The following ATRX variants were observed in gnomAD, a reference collection of about 807,000 sequenced individuals.
The protein encoded by ATRX is ATRX chromatin remodeler.
In ATRX, 12 loss-of-function variants were observed where a neutral mutation model predicts 172.6. The ratio of observed to expected loss-of-function variants is 0.07; its 90% CI spans 0.04 to 0.11. The LOEUF is 0.11. ATRX is among the 10% of genes least tolerant of loss of function. The pLI, the probability that ATRX is intolerant of heterozygous loss-of-function variation, is 1.00. For synonymous variants in ATRX, 674 were observed against 594.7 expected (o/e 1.13, Z -1.94); for missense variants, 1,368 against 1,767.4 (o/e 0.77, Z 4.05).
intron 2 of ATRX, among the ~76,000 whole-genome samples, chrX:77,707,406 G>C (rs994883237): frequency 7.1e-5 from 8 of 112,313 alleles, no homozygotes; most frequent in Non-Finnish European, 1.5e-4. Flanking sequence ...AATATATAAA[G>C]AATTCTTACA....
intron 2 of ATRX, among the ~76,000 whole-genome samples, chrX:77,701,017 G>T (rs180896565): frequency 2.7e-5 from 3 of 111,945 alleles, no homozygotes; most frequent in Non-Finnish European, 5.6e-5. Context: ...CACCAAGAGT[G>T]AACCTTAACA....
At chrX:77,616,582 G>C (rs782154361) in intron 22 of ATRX, 31 bp downstream of exon 22, 2 of 1,151,142 alleles carry the variant, frequency 1.7e-6, no homozygotes, top group Non-Finnish European at 2.4e-6. Flanking sequence ...TCTTTATAGA[G>C]AAGATGAAAT....
intron 27 of ATRX, among the ~76,000 whole-genome samples, chrX:77,577,255 A>C (rs1269244737): frequency 9.0e-6 from 1 of 111,392 alleles, no homozygotes; most frequent in Non-Finnish European, 1.9e-5. Flanking sequence ...AAGAGTTCCA[A>C]TGTCTCCATA....
At position 77,726,912 on chromosome X, in the gene ATRX, A is replaced by T. The variant is rs189418581; in HGVS notation, c.21-9669T>A. ...CCGATGAGGAATTGGAAAATTTTTT[A>T]AAAAAATAGTGTTTTTTTATCCATC... On this transcript the variant is annotated intron_variant, in intron 1 of 34. Transcript: ENST00000373344. 6.8e-3 allele frequency among the ~76,000 whole-genome samples: 754 copies of T among 111,038 alleles called. 2 individuals carry two copies. Among genetic ancestry groups the T allele is most frequent in the Middle Eastern group, 9.3e-3 (2 of 216 alleles).
chrX:77,729,767 T>A (rs1251708919), intron 1 of ATRX, among the ~76,000 whole-genome samples: 1 of 110,523 alleles, frequency 9.0e-6, no homozygotes, highest in African/African-American at 3.3e-5. Context: ...AAATCCCATC[T>A]CTACTAAAAA....
chrX:77,693,337 A>C (rs1351155013), intron 6 of ATRX, among the ~76,000 whole-genome samples: 1 of 112,102 alleles, frequency 8.9e-6, no homozygotes, highest in African/African-American at 3.2e-5. Context: ...AGTGTACACA[A>C]GAACAAACTG....
At chrX:77,600,598 A>G in intron 22 of ATRX, 34 bp from the exon 23 acceptor site, 1 of 1,199,313 alleles carries the variant, frequency 8.3e-7, no homozygotes. Context: ...AGACACAAAA[A>G]TTGTCTATAT....
intron 12 of ATRX, among the ~76,000 whole-genome samples, chrX:77,657,259 G>C (rs1227309309): frequency 1.8e-5 from 2 of 111,596 alleles, no homozygotes; most frequent in African/African-American, 6.5e-5. Context: ...AGACTGTGAA[G>C]AAAAATCCCT....
chrX:77,552,062 C>T (rs1254483951), intron 30 of ATRX, among the ~76,000 whole-genome samples: 4 of 111,345 alleles, frequency 3.6e-5, no homozygotes, highest in Admixed American at 1.9e-4. Context: ...GACAGTGTGG[C>T]GATTCCTCAA....
intron 1 of ATRX, among the ~76,000 whole-genome samples, chrX:77,757,734 C>T (rs1334515728): frequency 1.9e-5 from 2 of 107,043 alleles, no homozygotes; most frequent in Non-Finnish European, 3.9e-5. Context: ...TGCAGTGGCA[C>T]GATCTCAGCT....
intron 2 of ATRX, 32 bp from the exon 3 acceptor site, chrX:77,698,661 T>C (rs782158153): frequency 9.0e-7 from 1 of 1,109,252 alleles, no homozygotes; most frequent in Non-Finnish European, 1.2e-6. Context: ...ACATTATTTA[T>C]CTCTTCGATG....
intron 1 of ATRX, among the ~76,000 whole-genome samples, chrX:77,731,090 A>G: frequency 9.1e-6 from 1 of 109,909 alleles, no homozygotes. Context: ...CAGAGTAAAA[A>G]AAAAAAAAGA....
chrX:77,548,435 G>A (rs1397759465), intron 30 of ATRX, among the ~76,000 whole-genome samples: 1 of 111,236 alleles, frequency 9.0e-6, no homozygotes, highest in Non-Finnish European at 1.9e-5. Flanking sequence ...AGAAGTAGGA[G>A]ACAATGACAT....
intron 10 of ATRX, among the ~76,000 whole-genome samples, chrX:77,667,295 A>ATATGTGTGTGTG (rs1269009251): frequency 1.1e-5 from 1 of 89,056 alleles, no homozygotes; most frequent in Admixed American, 1.3e-4. Flanking sequence ...ACGAATAAAT[A>ATATGTGTGTGTG]TGTGTGTGTG....
At chrX:77,768,698 A>G (rs1486838584) in intron 1 of ATRX, among the ~76,000 whole-genome samples, 1 of 111,696 alleles carries the variant, frequency 9.0e-6, no homozygotes, top group Non-Finnish European at 1.9e-5. Flanking sequence ...TATAAACTAA[A>G]TGCATCTATG....
intron 30 of ATRX, among the ~76,000 whole-genome samples, chrX:77,534,004 A>G (rs1340632148): frequency 8.9e-6 from 1 of 111,976 alleles, no homozygotes; most frequent in African/African-American, 3.2e-5. Context: ...AAATCTGCGA[A>G]CAAGGGTTAA....
chrX:77,727,794 GT>G (rs1209817738), intron 1 of ATRX: 3 of 111,369 alleles, frequency 2.7e-5, no homozygotes, highest in African/African-American at 9.8e-5. Flanking sequence ...AAACTTGCAC[GT>G]TCTGCTCACA....
intron 22 of ATRX, among the ~76,000 whole-genome samples, chrX:77,604,214 G>A (rs1463244204): frequency 2.7e-5 from 3 of 112,258 alleles, no homozygotes; most frequent in Non-Finnish European, 5.6e-5. Flanking sequence ...CAAACAATCT[G>A]CAGAATGGGA....
In ATRX at chrX:77,681,540, G is replaced by A. The variant is rs2148566224; in HGVS notation, c.3716C>T (p.Thr1239Ile). ...CATACCTGAAGATTGGCAAAATCCA[G>A]TATGTGAAGACAGCACTAAATTTTC... is the stretch of plus-strand genomic sequence containing the variant. ...VTENLVLSSHTGFCQSSGDEA... is the reference protein window; with the variant it reads ...VTENLVLSSHIGFCQSSGDEA... Residue 1239 changes from threonine (T) to isoleucine (I), a missense_variant, in exon 9 of 35, where the codon ACT (threonine) becomes ATT (isoleucine). Coordinates refer to ENST00000373344, the MANE Select transcript of ATRX (RefSeq NM_000489.6). 8.3e-7 allele frequency: 1 copy of A among 1,210,346 alleles called. No homozygotes were observed. Among genetic ancestry groups the A allele is most frequent in the South Asian group, 1.8e-5 (1 of 56,654 alleles).
Sources: allele counts gnomAD v4.1 joint callset (sites outside exome capture counted in the v4.1 genomes callset), GRCh38; gene constraint gnomAD v4.1.1; transcripts MANE v1.5; gene names NCBI Gene and HGNC (gene_info 2026-07-23, HGNC 2026-07-21).